The following ARNT variants were observed in gnomAD, a reference collection of about 807,000 sequenced individuals.
ARNT encodes aryl hydrocarbon receptor nuclear translocator, also known as class E basic helix-loop-helix protein 2.
ARNT carries 30 observed loss-of-function variants against 105.0 expected under a neutral mutation model. The observed-to-expected ratio is 0.29, with a 90% CI of 0.21 to 0.39. The LOEUF is 0.39. Among genes scored for constraint, ARNT ranks in the 10% least tolerant of loss-of-function variants. The pLI, the probability that ARNT is intolerant of heterozygous loss-of-function variation, is 1.00. For synonymous variants in ARNT, 304 were observed against 344.0 expected (o/e 0.88, Z 1.29); for missense variants, 748 against 978.7 (o/e 0.76, Z 3.15).
Position 150,810,902 on chromosome 1 carries a change from G to C in ARNT, c.*1119C>G, listed in dbSNP as rs1312065462. On this transcript the variant is annotated 3_prime_UTR_variant, in exon 22 of 22. Transcript: ENST00000358595. ...AGTTGCTTGCTAAACTGGGTATTTT[G>C]AGTATGGGATGAAAGAGGCTACTTT... 1 of 226,110 alleles carries C rather than the reference G, an allele frequency of 4.4e-6. No homozygotes were observed. The highest frequency in any genetic ancestry group is 2.2e-5 in the African/African-American group (1 of 44,918). 14.0% of individuals were successfully genotyped at this position (226,110 alleles called of 1,614,324 possible).
At chr1:150,828,974 G>A in intron 12 of ARNT, 119 bp downstream of exon 12, 4 of 1,193,644 alleles carry the variant, frequency 3.4e-6, no homozygotes, top group Non-Finnish European at 3.5e-6. Context: ...AACAGAATAT[G>A]ATGATCTCTT....
intron 7 of ARNT, among the ~76,000 whole-genome samples, chr1:150,836,064 G>C (rs1361279205): frequency 6.6e-6 from 1 of 151,896 alleles, no homozygotes; most frequent in East Asian, 1.9e-4. Context: ...TAAGATAAAT[G>C]TAAAATATTA....
chr1:150,865,448 C>T (rs961739374), intron 1 of ARNT, among the ~76,000 whole-genome samples: 2 of 152,046 alleles, frequency 1.3e-5, no homozygotes, highest in Admixed American at 1.3e-4. Context: ...TATGGAATTC[C>T]CCAAAGTCTC....
At chr1:150,845,728 C>T (rs953584292) in intron 4 of ARNT, among the ~76,000 whole-genome samples, 1 of 151,996 alleles carries the variant, frequency 6.6e-6, no homozygotes, top group African/African-American at 2.4e-5. Context: ...ATGGTGAAAC[C>T]CCATCTCTAC....
At position 150,829,154 on chromosome 1, in the gene ARNT, A is replaced by G. The variant is rs888817920; in HGVS notation, c.1106T>C (p.Ile369Thr). 13 of 1,614,074 alleles carry G rather than the reference A, an allele frequency of 8.1e-6. No homozygotes were observed. Among genetic ancestry groups the G allele is most frequent in the African/African-American group, 2.7e-5 (2 of 74,924 alleles). Residue 369 changes from isoleucine to threonine, a missense_variant, in exon 12 of 22, where the codon ATT (isoleucine) becomes ACT (threonine). By Grantham distance (89) the Ile-to-Thr change is moderately conservative. Transcript: ENST00000358595. Reference protein sequence around the residue: ...QPTEFISRHNIEGIFTFVDHR... With the variant: ...QPTEFISRHNTEGIFTFVDHR... ...ATCCACAAAAGTGAAGATACCCTCA[A>G]TGTTGTGTCGGGAGATGAACTCTGT...
intron 14 of ARNT, among the ~76,000 whole-genome samples, chr1:150,819,929 T>C (rs1219153706): frequency 2.0e-5 from 3 of 152,150 alleles, no homozygotes; most frequent in African/African-American, 7.2e-5. Flanking sequence ...GTGAAATATA[T>C]CTCATAAAAC....
At chr1:150,859,546 A>C (rs928701747) in intron 1 of ARNT, among the ~76,000 whole-genome samples, 1 of 151,072 alleles carries the variant, frequency 6.6e-6, no homozygotes, top group African/African-American at 2.4e-5. Context: ...TTGTAGAGAT[A>C]GGGTCTCACT....
In ARNT at chr1:150,817,484, T is replaced by A. The variant is rs587667866; in HGVS notation, c.1506-51A>T. ...GACAAATAGAAAAAAAAATTTTTTTTAAAAAAGAATCTGGAGAAAGAACCT... is the reference window on the plus strand; with the variant it reads ...GACAAATAGAAAAAAAAATTTTTTTAAAAAAAGAATCTGGAGAAAGAACCT... On this transcript the variant is annotated intron_variant, in intron 15 of 21. Coordinates refer to ENST00000358595, the MANE Select transcript of ARNT (RefSeq NM_001668.4). 130 of 1,574,054 alleles carry A rather than the reference T, an allele frequency of 8.3e-5. 1 individual carries two copies. The South Asian group carries it at 8.4e-4, about 10-fold the overall frequency.
chr1:150,843,364 TATAG>T (rs1661609061), intron 4 of ARNT, among the ~76,000 whole-genome samples: 1 of 152,174 alleles, frequency 6.6e-6, no homozygotes, highest in African/African-American at 2.4e-5. Flanking sequence ...AATATATTTA[TATAG>T]ATAAAGAGGC....
At chr1:150,848,410 C>T (rs1328067355) in intron 3 of ARNT, among the ~76,000 whole-genome samples, 3 of 151,188 alleles carry the variant, frequency 2.0e-5, no homozygotes, top group Non-Finnish European at 4.4e-5. Flanking sequence ...GAGCAGAGAT[C>T]GAACCACTGC....
chr1:150,811,990 TC>T lies in ARNT; in HGVS notation c.*30del. ...TTTAAAAACAAACAGTGATTTTTTCTCCCCCACCCCTTATCCTCACCCCAAT... is the reference window on the plus strand; with the variant it reads ...TTTAAAAACAAACAGTGATTTTTTCTCCCCACCCCTTATCCTCACCCCAAT... On this transcript the variant is annotated 3_prime_UTR_variant, in exon 22 of 22. Coordinates refer to ENST00000358595, the MANE Select transcript of ARNT (RefSeq NM_001668.4). The T allele has an allele frequency of 7.1e-7, 1 of 1,407,220 alleles. No individual in the cohort carries two copies. The highest frequency in any genetic ancestry group is 1.6e-5 in the South Asian group (1 of 62,596). 87.2% of individuals were successfully genotyped at this position (1,407,220 alleles called of 1,614,324 possible).
At chr1:150,861,854 G>A (rs779247367) in intron 1 of ARNT, among the ~76,000 whole-genome samples, 12 of 152,156 alleles carry the variant, frequency 7.9e-5, no homozygotes, top group Non-Finnish European at 1.5e-4. Flanking sequence ...ACAGTGTTCT[G>A]TAAATTACAT....
chr1:150,848,026 A>C (rs1662572738), intron 3 of ARNT, among the ~76,000 whole-genome samples: 1 of 152,232 alleles, frequency 6.6e-6, no homozygotes, highest in Non-Finnish European at 1.5e-5. Flanking sequence ...AATGGCAAGC[A>C]ATTTACAATA....
chr1:150,838,028 G>A (rs374287701), intron 6 of ARNT, among the ~76,000 whole-genome samples: 9 of 152,206 alleles, frequency 5.9e-5, no homozygotes, highest in African/African-American at 2.2e-4. Context: ...AACTAATTAA[G>A]TAGTCGCCCT....
intron 1 of ARNT, among the ~76,000 whole-genome samples, chr1:150,869,216 G>A (rs1305634494): frequency 6.6e-6 from 1 of 152,138 alleles, no homozygotes; most frequent in African/African-American, 2.4e-5. Flanking sequence ...GCTAGCTCAA[G>A]CCTATAATCC....
chr1:150,820,896 G>A (rs1040074251), intron 14 of ARNT, among the ~76,000 whole-genome samples: 6 of 152,140 alleles, frequency 3.9e-5, no homozygotes, highest in East Asian at 3.9e-4. Flanking sequence ...TGGAGGCTAG[G>A]GGCACTGACC....
intron 13 of ARNT, among the ~76,000 whole-genome samples, chr1:150,824,608 T>G (rs1483685437): frequency 6.6e-6 from 1 of 150,402 alleles, no homozygotes; most frequent in Non-Finnish European, 1.5e-5. Context: ...GCGTGCACCA[T>G]CACGCCCAGC....
At chr1:150,833,937 C>CTTT (rs1449123694) in intron 8 of ARNT, among the ~76,000 whole-genome samples, 4 of 141,886 alleles carry the variant, frequency 2.8e-5, no homozygotes, top group Admixed American at 7.1e-5. Context: ...TTTTCTTTTT[C>CTTT]TTTTTTTTTT....
At chr1:150,874,745 A>G (rs1667997143) in intron 1 of ARNT, among the ~76,000 whole-genome samples, 1 of 152,152 alleles carries the variant, frequency 6.6e-6, no homozygotes, top group African/African-American at 2.4e-5. Context: ...GGAGAAAGGA[A>G]AACAAAGAAA....
Sources: gnomAD v4.1 joint callset for allele counts (sites outside exome capture counted in the v4.1 genomes callset) on GRCh38, gnomAD v4.1.1 for gene constraint, MANE v1.5 for transcripts, NCBI Gene and HGNC (gene_info 2026-07-23, HGNC 2026-07-21) for gene names.